The following SNAPC5 variants were observed in gnomAD, a reference collection of about 807,000 sequenced individuals.
The protein encoded by SNAPC5 is snRNA-activating protein complex subunit 5.
A neutral mutation model predicts 9.1 loss-of-function variants in SNAPC5; 12 were observed. The ratio of observed to expected loss-of-function variants is 1.32; its 90% CI spans 0.85 to 2.15. The LOEUF is 2.15. Ranked by LOEUF, SNAPC5 falls within the 30% of genes most tolerant of loss-of-function variation. The pLI is 0.00. For synonymous variants in SNAPC5, 52 were observed against 47.3 expected, an observed-to-expected ratio of 1.10 and a Z score of -0.41; for missense variants, 132 against 114.4, an observed-to-expected ratio of 1.15 and a Z score of -0.70.
chr15:66,492,096 C>A (rs991849819), downstream of SNAPC5: 33 of 455,488 alleles, frequency 7.2e-5, 1 homozygote, highest in South Asian at 5.0e-4. Context: ...CACTTAACCA[C>A]ACCTTCCTGG....
chr15:66,495,336 T>TAG lies in SNAPC5; in HGVS notation c.173_174insCT (p.His59TyrfsTer8). On this transcript the variant is annotated frameshift_variant, in exon 2 of 3. Transcript: ENST00000316634. LOFTEE classifies it high-confidence loss of function. ...TGCACTTGATTAAGCTTACATCATGTGACTGTTCAGGTACAGTGTGAGAAG... is the reference window on the plus strand; with the variant it reads ...TGCACTTGATTAAGCTTACATCATGTAGGACTGTTCAGGTACAGTGTGAGAAG... 1 of 1,567,062 alleles carries TAG rather than the reference T, an allele frequency of 6.4e-7. No homozygotes were observed. The highest frequency in any genetic ancestry group is 8.8e-7 in the Non-Finnish European group (1 of 1,136,902).
At chr15:66,489,887 G>A, downstream of SNAPC5, 1 of 867,934 alleles carries the variant, frequency 1.2e-6, no homozygotes, top group Non-Finnish European at 2.0e-6. Flanking sequence ...GCTGAGCCTG[G>A]GGCTGCAGAA....
chr15:66,494,499 C>T lies in SNAPC5; in HGVS notation c.234G>A (p.Leu78=), dbSNP rs1260749998. 3 of 1,613,954 alleles carry T rather than the reference C, an allele frequency of 1.9e-6. No individual in the cohort carries two copies. Among genetic ancestry groups the T allele is most frequent in the African/African-American group, 1.3e-5 (1 of 74,916 alleles). Residue 78 remains leucine, a synonymous_variant, in exon 3 of 3, where the codon CTG becomes CTA. Coordinates refer to ENST00000316634, the MANE Select transcript of SNAPC5 (RefSeq NM_001329615.2). ...EASINQTTLE[L]STKSHVTEEE... Reference sequence around the variant, plus strand: ...CTTCCGTCACATGACTCTTTGTGCTCAGCTCCAGGGTTGTTTGGTTGATTG... The same window carrying T: ...CTTCCGTCACATGACTCTTTGTGCTTAGCTCCAGGGTTGTTTGGTTGATTG...
At position 66,497,732 on chromosome 15, in the gene SNAPC5, G is replaced by T. The variant is rs553691271; in HGVS notation, c.-1C>A. ...GCAGTTCCTGAAGCCGGCTCAGCAT[G>T]TTGCCTGGTCACATAGCCAACCTCC... On this transcript the variant is annotated 5_prime_UTR_variant, in exon 1 of 3. Coordinates refer to ENST00000316634, the MANE Select transcript of SNAPC5 (RefSeq NM_001329615.2). 1.9e-6 allele frequency: 3 copies of T among 1,611,284 alleles called. No individual in the cohort carries two copies. The East Asian group carries it at 6.7e-5, about 36-fold the overall frequency.
downstream of SNAPC5, chr15:66,492,374 G>A (rs1357709978): frequency 5.2e-6 from 1 of 190,682 alleles, no homozygotes; most frequent in Non-Finnish European, 1.1e-5. Flanking sequence ...CAGAGCTTGG[G>A]ATATTGCCAG....
Position 66,494,677 on chromosome 15 carries a change from G to A in SNAPC5, c.181-125C>T. The stretch of plus-strand genomic sequence containing the variant: ...TATCCCCAGTACTTATGACTAAGAG[G>A]TATGGCCACTTTCCTTTTATACCCC... On this transcript the variant is annotated intron_variant, in intron 2 of 2. Transcript: ENST00000316634. 8 of 656,772 alleles carry A rather than the reference G, an allele frequency of 1.2e-5. 1 individual carries two copies. In the South Asian group the frequency reaches 1.4e-4, roughly 11 times the overall value. 40.7% of individuals were successfully genotyped at this position (656,772 alleles called of 1,614,324 possible). A position where few individuals can be genotyped will look rare whatever the true frequency, so the allele number is the denominator to read the frequency against.
In SNAPC5 at chr15:66,494,523, T is replaced by C. The variant is rs1271182201; in HGVS notation, c.210A>G (p.Ser70=). The C allele has an allele frequency of 6.8e-6, 11 of 1,613,934 alleles. No homozygotes were observed. Among genetic ancestry groups the C allele is most frequent in the Non-Finnish European group, 9.3e-6 (11 of 1,179,954 alleles). ...TCAGCTCCAGGGTTGTTTGGTTGAT[T>C]GATGCTTCATTGTCTACATGCACCA... ...DMLVHVDNEA[S]INQTTLELST... Residue 70 remains serine, a synonymous_variant, in exon 3 of 3, where the codon TCA becomes TCG. Transcript: ENST00000316634.
intron 1 of SNAPC5, 23 bp downstream of exon 1, chr15:66,497,619 G>A: frequency 3.1e-6 from 5 of 1,606,652 alleles, no homozygotes; most frequent in Non-Finnish European, 3.4e-6. Context: ...TGGAGGAGGG[G>A]CAGGAGAGGG....
chr15:66,489,843 C>A, downstream of SNAPC5: 2 of 1,218,728 alleles, frequency 1.6e-6, no homozygotes, highest in Non-Finnish European at 1.2e-6. Context: ...GCAGTACTTC[C>A]AGAGCCCATT....
At chr15:66,489,788 TAC>T, downstream of SNAPC5, 1 of 1,590,078 alleles carries the variant, frequency 6.3e-7, no homozygotes, top group Non-Finnish European at 8.6e-7. Context: ...TCCGGATTCT[TAC>T]AGTACCTGTT....
intron 1 of SNAPC5, chr15:66,497,412 C>A (rs1207740486): frequency 1.6e-6 from 1 of 606,376 alleles, no homozygotes; most frequent in South Asian, 1.9e-5. Flanking sequence ...CTGAGCCTCA[C>A]CCTAGACTTG....
chr15:66,497,192 G>T (rs765579625), intron 1 of SNAPC5, among the ~76,000 whole-genome samples: 11 of 152,186 alleles, frequency 7.2e-5, no homozygotes, highest in African/African-American at 2.7e-4. Flanking sequence ...GGTAGCATGG[G>T]AGGATCTAGG....
At chr15:66,497,217 TG>T (rs921668238) in intron 1 of SNAPC5, among the ~76,000 whole-genome samples, 6 of 152,128 alleles carry the variant, frequency 3.9e-5, no homozygotes, top group Non-Finnish European at 8.8e-5. Context: ...CCTTCTGGCT[TG>T]GCAAAACTAG....
Position 66,494,389 on chromosome 15 carries a change from T to G in SNAPC5, c.*47A>C, listed in dbSNP as rs1595891532. The G allele has an allele frequency of 1.5e-6, 2 of 1,309,846 alleles. No homozygotes were observed. The highest frequency in any genetic ancestry group is 4.6e-5 in the East Asian group (2 of 43,490). The allele number at this position is 1,309,846 out of a possible 1,614,324, so 81.1% of individuals were successfully genotyped here. On this transcript the variant is annotated 3_prime_UTR_variant, in exon 3 of 3. Transcript: ENST00000316634. The stretch of plus-strand genomic sequence containing the variant: ...TCCTTGAGGAGAAGTAGCCTGAGCC[T>G]TAGAAATGCAATTTGTATAACTGAC...
At chr15:66,490,831 T>C (rs986342896), downstream of SNAPC5, 2 of 626,960 alleles carry the variant, frequency 3.2e-6, no homozygotes, top group Admixed American at 4.4e-5. Context: ...ATTGGCTTTG[T>C]GCTTGGGGCT....
chr15:66,490,610 G>A (rs200442489), downstream of SNAPC5: 53 of 1,613,682 alleles, frequency 3.3e-5, 1 homozygote, highest in South Asian at 1.9e-4. Flanking sequence ...TGCTGCTGGC[G>A]TCTAAGTGTT....
chr15:66,494,023 G>A lies in SNAPC5; in HGVS notation c.*413C>T, dbSNP rs1893341037. On this transcript the variant is annotated 3_prime_UTR_variant, in exon 3 of 3. Transcript: ENST00000316634. ...AGACTGTGTCCTAACTGCTCACAAG[G>A]GTTCAGCGGCATGCAAACAGTCTTT... The A allele has an allele frequency of 1.1e-5, 2 of 183,606 alleles. No homozygotes were observed. Among genetic ancestry groups the A allele is most frequent in the Non-Finnish European group, 2.3e-5 (2 of 87,278 alleles). The allele number at this position is 183,606 out of a possible 1,614,324, so 11.4% of individuals were successfully genotyped here. A position where few individuals can be genotyped will look rare whatever the true frequency, so the allele number is the denominator to read the frequency against.
At chr15:66,496,007 G>A (rs1893420023) in intron 1 of SNAPC5, among the ~76,000 whole-genome samples, 1 of 152,120 alleles carries the variant, frequency 6.6e-6, no homozygotes, top group South Asian at 2.1e-4. Flanking sequence ...CGGATCATGA[G>A]GTCAGGAGAT....
intron 1 of SNAPC5, among the ~76,000 whole-genome samples, chr15:66,496,592 G>C (rs1249779130): frequency 6.6e-6 from 1 of 151,198 alleles, no homozygotes; most frequent in East Asian, 1.9e-4. Flanking sequence ...GGCACAATCT[G>C]GGCTCTCTAC....
Sources: gnomAD v4.1 joint callset for allele counts (sites outside exome capture counted in the v4.1 genomes callset) on GRCh38, gnomAD v4.1.1 for gene constraint, MANE v1.5 for transcripts, NCBI Gene and HGNC (gene_info 2026-07-23, HGNC 2026-07-21) for gene names.